Variants in SMARCA2 observed in about 807,000 individuals in gnomAD.
SMARCA2 encodes SWI/SNF related BAF chromatin remodeling complex subunit ATPase 2.
In SMARCA2, 61 loss-of-function variants were observed where a neutral mutation model predicts 199.8. The ratio of observed to expected loss-of-function variants is 0.31; its 90% CI spans 0.25 to 0.38. The LOEUF (loss-of-function observed/expected upper bound fraction) is 0.38, where lower values mean the gene tolerates loss of function less well. SMARCA2 is among the 10% of genes least tolerant of loss of function. SMARCA2 has a pLI of 1.00. For synonymous variants in SMARCA2, 935 were observed against 732.0 expected (o/e 1.28, Z -4.48); for missense variants, 1,344 against 2,012.2 (o/e 0.67, Z 6.35).
intron 29 of SMARCA2, among the ~76,000 whole-genome samples, chr9:2,171,879 G>C (rs1826264732): frequency 6.6e-6 from 1 of 152,168 alleles, no homozygotes; most frequent in Non-Finnish European, 1.5e-5. Flanking sequence ...ACGAAAAGTA[G>C]ATCAATAACT....
At chr9:2,177,228 C>G (rs1031498132) in intron 29 of SMARCA2, among the ~76,000 whole-genome samples, 2 of 152,184 alleles carry the variant, frequency 1.3e-5, no homozygotes, top group Admixed American at 1.3e-4. Flanking sequence ...AGTTTTCTTC[C>G]CAAACGACTT....
At chr9:2,189,138 TATAAC>T (rs372126713) in intron 32 of SMARCA2, among the ~76,000 whole-genome samples, 2 of 152,218 alleles carry the variant, frequency 1.3e-5, no homozygotes, top group Non-Finnish European at 2.9e-5. Context: ...TGCCATGTAA[TATAAC>T]ATATTCAGAG....
At chr9:2,186,541 C>T (rs780730741) in intron 32 of SMARCA2, among the ~76,000 whole-genome samples, 1 of 152,142 alleles carries the variant, frequency 6.6e-6, no homozygotes, top group Non-Finnish European at 1.5e-5. Context: ...CTCTGTCACC[C>T]AGGCCGGAGT....
intron 32 of SMARCA2, among the ~76,000 whole-genome samples, chr9:2,187,535 A>G (rs996359493): frequency 9.9e-5 from 15 of 152,214 alleles, no homozygotes; most frequent in African/African-American, 2.9e-4. Flanking sequence ...AGAAATAGCC[A>G]AGTGTGGTGG....
chr9:2,152,157 A>G (rs1422920230), intron 27 of SMARCA2, among the ~76,000 whole-genome samples: 1 of 152,208 alleles, frequency 6.6e-6, no homozygotes, highest in African/African-American at 2.4e-5. Flanking sequence ...GCTTCCGTGA[A>G]ATTTCACCCC....
At position 2,169,287 on chromosome 9, in the gene SMARCA2, C is replaced by T. The variant is rs1005230393; in HGVS notation, c.4200-1132C>T. ...CCTGTCCTGGCTTCTTTCTGAGGCA[C>T]CTAACTTGTCATTTCATATTGTAAC... On this transcript the variant is annotated intron_variant, in intron 28 of 33. Coordinates refer to ENST00000349721, the MANE Select transcript of SMARCA2 (RefSeq NM_003070.5). The surrounding 1 kb of genome is among the most constrained non-coding windows in gnomAD (Gnocchi z 6.5). Among the ~76,000 whole-genome samples the T allele has an allele frequency of 1.3e-5, 2 of 152,172 alleles. No individual in the cohort carries two copies. The highest frequency in any genetic ancestry group is 2.9e-5 in the Non-Finnish European group (2 of 68,034).
At chr9:2,174,718 C>T (rs1485780459) in intron 29 of SMARCA2, among the ~76,000 whole-genome samples, 3 of 151,784 alleles carry the variant, frequency 2.0e-5, no homozygotes, top group Non-Finnish European at 2.9e-5. Flanking sequence ...CTCAGGAGTC[C>T]GAGACCACCC....
chr9:2,134,236 AT>A (rs529974380), intron 27 of SMARCA2, among the ~76,000 whole-genome samples: 42 of 152,358 alleles, frequency 2.8e-4, no homozygotes, highest in African/African-American at 1.0e-3. Flanking sequence ...TTACTCACTA[AT>A]GGAATTAAAA....
chr9:2,122,860 A>G (rs1050311858), intron 26 of SMARCA2, among the ~76,000 whole-genome samples: 3 of 152,200 alleles, frequency 2.0e-5, no homozygotes, highest in Admixed American at 6.5e-5. Flanking sequence ...GTGGCAGTTT[A>G]TTTTTTAAAA....
intron 28 of SMARCA2, among the ~76,000 whole-genome samples, chr9:2,164,049 G>T (rs1320669058): frequency 4.6e-5 from 7 of 152,116 alleles, no homozygotes; most frequent in Non-Finnish European, 1.5e-5. Flanking sequence ...TGAAGAAGTG[G>T]CCATCCTTTC....
chr9:2,170,220 C>G lies in SMARCA2; in HGVS notation c.4200-199C>G, dbSNP rs73393366. Among the ~76,000 whole-genome samples the G allele has an allele frequency of 7.6e-3, 1,163 of 152,248 alleles. 12 individuals carry two copies. The highest frequency in any genetic ancestry group is 0.026 in the African/African-American group (1,099 of 41,542). On this transcript the variant is annotated intron_variant, in intron 28 of 33. Coordinates refer to ENST00000349721, the MANE Select transcript of SMARCA2 (RefSeq NM_003070.5). This position sits in a 1 kb window ranked among gnomAD's most constrained non-coding sequence, Gnocchi z 4.7. The stretch of plus-strand genomic sequence containing the variant: ...GAAAATCCCAGAAAGGTTAGGAAAT[C>G]CACTTCCCCCACCATTTTTAGAGAA...
intron 27 of SMARCA2, among the ~76,000 whole-genome samples, chr9:2,129,007 C>G (rs1823818870): frequency 6.6e-6 from 1 of 152,206 alleles, no homozygotes; most frequent in African/African-American, 2.4e-5. Flanking sequence ...ACACTTTTGA[C>G]TGACTACAAA....
At chr9:2,153,405 C>T (rs1388886551) in intron 27 of SMARCA2, among the ~76,000 whole-genome samples, 3 of 152,104 alleles carry the variant, frequency 2.0e-5, no homozygotes, top group Admixed American at 6.5e-5. Flanking sequence ...TGGTGGTGTG[C>T]GCCTGTAGTC....
intron 26 of SMARCA2, among the ~76,000 whole-genome samples, chr9:2,122,910 G>A (rs1228248990): frequency 2.0e-5 from 3 of 152,184 alleles, no homozygotes; most frequent in Non-Finnish European, 2.9e-5. Flanking sequence ...AGCCAAGTGT[G>A]TGGCCCTTAG....
chr9:2,101,490 G>A (rs1356593313), intron 21 of SMARCA2, 80 bp from the exon 22 acceptor site: 1 of 719,572 alleles, frequency 1.4e-6, no homozygotes, highest in Admixed American at 2.9e-5. Flanking sequence ...AAATAGGTAG[G>A]ATAACCTCAC....
intron 9 of SMARCA2, among the ~76,000 whole-genome samples, chr9:2,062,979 C>G (rs1820670157): frequency 6.6e-6 from 1 of 152,162 alleles, no homozygotes; most frequent in African/African-American, 2.4e-5. Flanking sequence ...GTTGTCAAAG[C>G]AGCTACTGTC....
intron 28 of SMARCA2, among the ~76,000 whole-genome samples, chr9:2,168,033 CTT>C (rs367986975): frequency 0.26 from 36,350 of 138,526 alleles, 4,484 homozygotes; most frequent in African/African-American, 0.35. Context: ...TTTTCTTTTT[CTT>C]TTTTTTTTTT....
intron 1 of SMARCA2, among the ~76,000 whole-genome samples, chr9:2,024,555 C>T (rs1818744075): frequency 6.6e-6 from 1 of 152,180 alleles, no homozygotes; most frequent in Non-Finnish European, 1.5e-5. Context: ...TCCAGGGCTT[C>T]TCTTTACTTC....
In SMARCA2 at chr9:2,123,680, A is replaced by T; in HGVS notation, c.3763-39A>T. ...TGCTGGGAAGTCTGCACCATACAGAAGCCCTGACTTTCGGTGACCCTCTTA... is the reference window on the plus strand; with the variant it reads ...TGCTGGGAAGTCTGCACCATACAGATGCCCTGACTTTCGGTGACCCTCTTA... On this transcript the variant is annotated intron_variant, in intron 26 of 33. Transcript: ENST00000349721. The surrounding 1 kb of genome is among the most constrained non-coding windows in gnomAD (Gnocchi z 4.1). 1 of 1,574,504 alleles carries T rather than the reference A, an allele frequency of 6.4e-7. No homozygotes were observed. The highest frequency in any genetic ancestry group is 8.7e-7 in the Non-Finnish European group (1 of 1,146,250).
Sources: allele counts gnomAD v4.1 joint callset (sites outside exome capture counted in the v4.1 genomes callset), GRCh38; gene constraint gnomAD v4.1.1; non-coding constraint Gnocchi (gnomAD v3.1); transcripts MANE v1.5; gene names NCBI Gene and HGNC (gene_info 2026-07-23, HGNC 2026-07-21).